SLC9A9: variants seen among roughly 807,000 people sequenced by gnomAD.
SLC9A9 encodes the protein solute carrier family 9 member A9.
A neutral mutation model predicts 77.8 loss-of-function variants in SLC9A9; 62 were observed. That is an observed-to-expected ratio of 0.80 (90% CI 0.65 to 0.98). The LOEUF (loss-of-function observed/expected upper bound fraction) is 0.98, where lower values mean the gene tolerates loss of function less well. Among genes scored for constraint, SLC9A9 ranks in the 50% least tolerant of loss-of-function variants. The probability of loss-of-function intolerance (pLI) is 0.00; values close to 1 mark genes in which losing one functional copy is unlikely to be tolerated. For synonymous variants in SLC9A9, 320 were observed against 283.5 expected, an observed-to-expected ratio of 1.13 and a Z score of -1.29; for missense variants, 775 against 774.9, an observed-to-expected ratio of 1.00 and a Z score of 0.00.
At chr3:143,298,890 C>A (rs374286449) in intron 14 of SLC9A9, among the ~76,000 whole-genome samples, 2 of 152,128 alleles carry the variant, frequency 1.3e-5, no homozygotes, top group South Asian at 4.1e-4. Flanking sequence ...GGTGTACAGG[C>A]TATGGAACAA....
At chr3:143,408,761 T>C (rs143895671) in intron 12 of SLC9A9, among the ~76,000 whole-genome samples, 3 of 152,198 alleles carry the variant, frequency 2.0e-5, no homozygotes, top group East Asian at 3.9e-4. Context: ...TGTTAGTACA[T>C]AGAAGGAAAA....
intron 14 of SLC9A9, among the ~76,000 whole-genome samples, chr3:143,327,705 TG>T (rs2031646597): frequency 6.6e-6 from 1 of 152,184 alleles, no homozygotes; most frequent in African/African-American, 2.4e-5. Context: ...TCTACATGCT[TG>T]GGGGTAATAT....
At chr3:143,424,306 A>G (rs1194542113) in intron 12 of SLC9A9, among the ~76,000 whole-genome samples, 2 of 149,040 alleles carry the variant, frequency 1.3e-5, no homozygotes, top group Non-Finnish European at 3.0e-5. Context: ...TCACTCTGTC[A>G]CCCAGGCTGG....
At chr3:143,720,239 TTA>T (rs1331525631) in intron 4 of SLC9A9, among the ~76,000 whole-genome samples, 4 of 148,574 alleles carry the variant, frequency 2.7e-5, no homozygotes, top group African/African-American at 9.9e-5. Context: ...TATATGTATT[TTA>T]TATATATATA....
chr3:143,706,914 T>A (rs974222053), intron 4 of SLC9A9, among the ~76,000 whole-genome samples: 7 of 152,182 alleles, frequency 4.6e-5, no homozygotes, highest in African/African-American at 1.7e-4. Flanking sequence ...GCCAAAAGAT[T>A]GGATACCTCT....
At chr3:143,363,653 A>G (rs562423100) in intron 13 of SLC9A9, 90 bp from the exon 14 acceptor site, 360 of 1,209,958 alleles carry the variant, frequency 3.0e-4, no homozygotes, top group Non-Finnish European at 3.3e-4. Flanking sequence ...AAATTTAACT[A>G]CATTTAAAAA....
chr3:143,835,698 TTCACAG>T (rs1399661016), intron 1 of SLC9A9, among the ~76,000 whole-genome samples: 1 of 152,200 alleles, frequency 6.6e-6, no homozygotes, highest in Non-Finnish European at 1.5e-5. Context: ...AAATCACTTG[TTCACAG>T]AAGAAGGAAA....
chr3:143,521,065 T>C (rs937011649), intron 9 of SLC9A9, among the ~76,000 whole-genome samples: 1 of 152,186 alleles, frequency 6.6e-6, no homozygotes, highest in Non-Finnish European at 1.5e-5. Context: ...TTATTTAAAT[T>C]AAAATAACTT....
At chr3:143,499,051 A>C (rs1012114529) in intron 9 of SLC9A9, among the ~76,000 whole-genome samples, 37 of 152,218 alleles carry the variant, frequency 2.4e-4, no homozygotes, top group Admixed American at 1.3e-3. Flanking sequence ...CAGTTTCCCA[A>C]AGCGGTGGTA....
chr3:143,586,959 A>G (rs1434031782), intron 6 of SLC9A9, among the ~76,000 whole-genome samples: 1 of 152,244 alleles, frequency 6.6e-6, no homozygotes. Context: ...GGAAACATCA[A>G]TTAACTCTTT....
intron 14 of SLC9A9, among the ~76,000 whole-genome samples, chr3:143,338,791 C>T (rs1057374527): frequency 6.6e-6 from 1 of 152,108 alleles, no homozygotes; most frequent in African/African-American, 2.4e-5. Context: ...CTGACACATT[C>T]TCCCATTTTA....
Position 143,449,902 on chromosome 3 carries a change from TATA to T in SLC9A9, c.1469+17132_1469+17134del, listed in dbSNP as rs1480547389. ...TATATAAATATATAATTATATAACA[TATA>T]ATATAATATTACATAATATATATTA... On this transcript the variant is annotated intron_variant, in intron 12 of 15. Transcript: ENST00000316549. Among the ~76,000 whole-genome samples, 2 of 63,308 alleles carry T rather than the reference TATA, an allele frequency of 3.2e-5. 1 individual carries two copies. The highest frequency in any genetic ancestry group is 5.0e-5 in the Non-Finnish European group (2 of 39,824). The allele number at this position is 63,308 out of a possible 152,430, so 41.5% of individuals were successfully genotyped here.
chr3:143,317,852 C>T (rs961276413), intron 14 of SLC9A9, among the ~76,000 whole-genome samples: 1 of 152,128 alleles, frequency 6.6e-6, no homozygotes, highest in African/African-American at 2.4e-5. Context: ...TTCAGCCTCC[C>T]GAGTAGCTGA....
chr3:143,818,458 CG>C (rs1292090277), intron 2 of SLC9A9, among the ~76,000 whole-genome samples: 1 of 151,994 alleles, frequency 6.6e-6, no homozygotes, highest in Non-Finnish European at 1.5e-5. Context: ...AGGGATGCAC[CG>C]CCACGCCCAG....
At chr3:143,838,932 C>A (rs577326258) in intron 1 of SLC9A9, among the ~76,000 whole-genome samples, 1 of 152,254 alleles carries the variant, frequency 6.6e-6, no homozygotes, top group South Asian at 2.1e-4. Flanking sequence ...TGATATTTAT[C>A]CCTTCCCATT....
Position 143,796,734 on chromosome 3 carries a change from T to C in SLC9A9, c.456+92A>G, listed in dbSNP as rs1036059037. 5.9e-6 allele frequency: 5 copies of C among 846,390 alleles called. No individual in the cohort carries two copies. In the Admixed American group the frequency reaches 7.7e-5, roughly 13 times the overall value. The allele number at this position is 846,390 out of a possible 1,614,324, so 52.4% of individuals were successfully genotyped here. A position where few individuals can be genotyped will look rare whatever the true frequency, so the allele number is the denominator to read the frequency against. On this transcript the variant is annotated intron_variant, in intron 3 of 15. Transcript: ENST00000316549. ...TTAAGATAATGATACTCTTACCAAA[T>C]AGAGAAGCCCATAAAAATAACAGTT...
intron 4 of SLC9A9, among the ~76,000 whole-genome samples, chr3:143,750,032 T>C (rs547554992): frequency 6.6e-6 from 1 of 152,268 alleles, no homozygotes; most frequent in South Asian, 2.1e-4. Flanking sequence ...TATTTGCGAA[T>C]AGGTTTATCA....
At chr3:143,776,748 C>A (rs566995370) in intron 4 of SLC9A9, among the ~76,000 whole-genome samples, 3 of 152,250 alleles carry the variant, frequency 2.0e-5, no homozygotes, top group East Asian at 1.9e-4. Context: ...AGAACAGAAT[C>A]TTTTCAACCA....
chr3:143,345,796 C>G (rs1028243496), intron 14 of SLC9A9, among the ~76,000 whole-genome samples: 6 of 151,964 alleles, frequency 3.9e-5, no homozygotes, highest in African/African-American at 1.5e-4. Flanking sequence ...ATGGGTATAA[C>G]AAAAAGATGA....
Sources: allele counts gnomAD v4.1 joint callset (sites outside exome capture counted in the v4.1 genomes callset), GRCh38; gene constraint gnomAD v4.1.1; transcripts MANE v1.5; gene names NCBI Gene and HGNC (gene_info 2026-07-23, HGNC 2026-07-21).